The following CFAP100 variants were observed in gnomAD, a reference collection of about 807,000 sequenced individuals.
CFAP100 encodes cilia and flagella associated protein 100.
CFAP100 carries 70 observed loss-of-function variants against 81.5 expected under a neutral mutation model. That is an observed-to-expected ratio of 0.86 (90% CI 0.71 to 1.05). CFAP100 has a LOEUF of 1.05. Among genes scored for constraint, CFAP100 ranks in the 50% least tolerant of loss-of-function variants. The pLI, the probability that CFAP100 is intolerant of heterozygous loss-of-function variation, is 0.00. For missense variants in CFAP100, 811 were observed against 776.5 expected, an observed-to-expected ratio of 1.04 and a Z score of -0.53; for synonymous variants, 341 against 314.8, an observed-to-expected ratio of 1.08 and a Z score of -0.88.
intron 13 of CFAP100, among the ~76,000 whole-genome samples, chr3:126,424,582 T>C (rs1323524993): frequency 6.6e-6 from 1 of 152,224 alleles, no homozygotes; most frequent in Non-Finnish European, 1.5e-5. Context: ...GAGCAGGGAA[T>C]CCTCTGCTCA....
intron 2 of CFAP100, among the ~76,000 whole-genome samples, chr3:126,401,208 C>T (rs1239153478): frequency 6.6e-6 from 1 of 151,642 alleles, no homozygotes; most frequent in East Asian, 1.9e-4. Flanking sequence ...GTTTAATGCA[C>T]GCAGAGTTTC....
chr3:126,422,489 C>T (rs1576640085), intron 11 of CFAP100, among the ~76,000 whole-genome samples: 1 of 60,850 alleles, frequency 1.6e-5, no homozygotes, highest in African/African-American at 5.3e-5. Flanking sequence ...GCCAGCGCAG[C>T]CCCCCCCACC....
At chr3:126,414,840 G>A (rs369692544) in intron 4 of CFAP100, among the ~76,000 whole-genome samples, 2 of 152,210 alleles carry the variant, frequency 1.3e-5, no homozygotes, top group African/African-American at 4.8e-5. Context: ...TCCCAGGGTC[G>A]CACCTGGGCT....
Position 126,436,442 on chromosome 3 carries a change from C to A in CFAP100, c.*38C>A. 1 of 1,529,982 alleles carries A rather than the reference C, an allele frequency of 6.5e-7. No homozygotes were observed. Among genetic ancestry groups the A allele is most frequent in the Non-Finnish European group, 9.0e-7 (1 of 1,111,662 alleles). 94.8% of individuals were successfully genotyped at this position (1,529,982 alleles called of 1,614,324 possible). On this transcript the variant is annotated 3_prime_UTR_variant, in exon 17 of 17. Transcript: ENST00000352312. ...ATAGCTGTTCTGGCTGAAGGCTTAGCAAAGATGTTGGCAGAGGAAGCAGAG... is the reference window on the plus strand; with the variant it reads ...ATAGCTGTTCTGGCTGAAGGCTTAGAAAAGATGTTGGCAGAGGAAGCAGAG...
intron 3 of CFAP100, among the ~76,000 whole-genome samples, chr3:126,413,554 A>G (rs1576628129): frequency 6.6e-6 from 1 of 152,190 alleles, no homozygotes; most frequent in African/African-American, 2.4e-5. Flanking sequence ...ACAAGAGTCC[A>G]CCCTGCAAAG....
chr3:126,429,387 T>C (rs1027091223), intron 13 of CFAP100, among the ~76,000 whole-genome samples: 5 of 152,154 alleles, frequency 3.3e-5, no homozygotes, highest in African/African-American at 4.8e-5. Flanking sequence ...AATTGTAATG[T>C]CTCTTTAATT....
At chr3:126,398,199 G>C (rs1337918318) in intron 2 of CFAP100, among the ~76,000 whole-genome samples, 1 of 152,286 alleles carries the variant, frequency 6.6e-6, no homozygotes, top group South Asian at 2.1e-4. Context: ...CAGGGGTGGG[G>C]GCTGCAGGAA....
At chr3:126,418,829 T>G (rs2083284084) in intron 7 of CFAP100, 55 bp downstream of exon 7, 4 of 1,513,204 alleles carry the variant, frequency 2.6e-6, no homozygotes, top group Non-Finnish European at 3.5e-6. Context: ...CCACTGTCCC[T>G]GAGCCTGTGC....
chr3:126,415,546 G>T (rs2083222336), intron 4 of CFAP100, among the ~76,000 whole-genome samples: 1 of 152,176 alleles, frequency 6.6e-6, no homozygotes, highest in Non-Finnish European at 1.5e-5. Context: ...CAGTGATGGG[G>T]ACGTGCATTC....
chr3:126,411,945 G>T (rs1426705566), intron 3 of CFAP100, among the ~76,000 whole-genome samples: 1 of 151,972 alleles, frequency 6.6e-6, no homozygotes, highest in Non-Finnish European at 1.5e-5. Flanking sequence ...CTTCTGCTGG[G>T]TTTGGATTTA....
At chr3:126,431,815 A>G (rs1031941464) in intron 13 of CFAP100, among the ~76,000 whole-genome samples, 3 of 152,278 alleles carry the variant, frequency 2.0e-5, no homozygotes, top group East Asian at 1.9e-4. Flanking sequence ...CTCAGACTTT[A>G]TGTGCACTTG....
intron 2 of CFAP100, among the ~76,000 whole-genome samples, chr3:126,406,856 C>T (rs1299212090): frequency 6.6e-6 from 1 of 152,106 alleles, no homozygotes; most frequent in Admixed American, 6.5e-5. Context: ...CCCTGGGTCC[C>T]GGTATGTCCA....
chr3:126,395,825 C>T (rs1238172627), intron 1 of CFAP100, 117 bp from the exon 2 acceptor site: 16 of 604,652 alleles, frequency 2.6e-5, no homozygotes, highest in Admixed American at 1.2e-4. Context: ...GGCAGGGAGC[C>T]GGCAGGTGTC....
At chr3:126,407,551 GAATTAGGGCTTTCAACCAC>G (rs2083085657) in intron 3 of CFAP100, among the ~76,000 whole-genome samples, 2 of 151,840 alleles carry the variant, frequency 1.3e-5, no homozygotes, top group African/African-American at 4.9e-5. Flanking sequence ...CACCAGAAAG[GAATTAGGGCTTTCAACCAC>G]AATTAGGGCT....
intron 2 of CFAP100, chr3:126,396,359 C>T (rs755733252): frequency 5.3e-4 from 171 of 323,838 alleles, no homozygotes; most frequent in Non-Finnish European, 7.7e-4. Context: ...GGCCTCTCTC[C>T]TGGTTTCCAG....
intron 13 of CFAP100, among the ~76,000 whole-genome samples, chr3:126,425,781 T>G (rs2083395563): frequency 6.6e-6 from 1 of 152,210 alleles, no homozygotes; most frequent in Admixed American, 6.5e-5. Context: ...TAACATAATC[T>G]GTCATATCCA....
chr3:126,418,982 C>T, intron 7 of CFAP100, 94 bp from the exon 8 acceptor site: 2 of 991,842 alleles, frequency 2.0e-6, no homozygotes, highest in Non-Finnish European at 3.0e-6. Flanking sequence ...CCGGGCCCAG[C>T]CCTGGGGCCT....
chr3:126,422,366 C>G lies in CFAP100; in HGVS notation c.1083-959C>G, dbSNP rs115172053. Among the ~76,000 whole-genome samples the G allele has an allele frequency of 6.7e-3, 1,025 of 152,332 alleles. 11 individuals are homozygous for G. Among genetic ancestry groups the G allele is most frequent in the African/African-American group, 0.023 (953 of 41,568 alleles). ...TCACAGCCTCTCCTGGGAAGCCCTCCTGGATCTGCTGTCAGAGTCCCACAG... is the reference window on the plus strand; with the variant it reads ...TCACAGCCTCTCCTGGGAAGCCCTCGTGGATCTGCTGTCAGAGTCCCACAG... On this transcript the variant is annotated intron_variant, in intron 11 of 16. Coordinates refer to ENST00000352312, the MANE Select transcript of CFAP100 (RefSeq NM_182628.3).
At position 126,416,366 on chromosome 3, in the gene CFAP100, C is replaced by A. The variant is rs371410922; in HGVS notation, c.276C>A (p.Ser92=). The A allele has an allele frequency of 1.5e-3, 2,342 of 1,611,208 alleles. 53 individuals are homozygous for A. In the South Asian group the frequency reaches 0.024, roughly 17 times the overall value. Residue 92 remains serine (S), a synonymous_variant, in exon 5 of 17, where the codon TCC becomes TCA. Coordinates refer to ENST00000352312, the MANE Select transcript of CFAP100 (RefSeq NM_182628.3). ...GGGTGCACCAGAAGATGACCTACTC[C>A]TCGAAAGTGTCGGCTAAGCACACCA... The part of the protein sequence containing the change: ...TMRVHQKMTY[S]SKVSAKHTSL...
Sources: gnomAD v4.1 joint callset for allele counts (sites outside exome capture counted in the v4.1 genomes callset) on GRCh38, gnomAD v4.1.1 for gene constraint, MANE v1.5 for transcripts, NCBI Gene and HGNC (gene_info 2026-07-23, HGNC 2026-07-21) for gene names.